ARFGEF3: variants seen among roughly 807,000 people sequenced by gnomAD.
The protein encoded by ARFGEF3 is ARFGEF family member 3, also known as brefeldin A-inhibited guanine nucleotide-exchange protein 3.
ARFGEF3 carries 96 observed loss-of-function variants against 221.7 expected under a neutral mutation model. That is an observed-to-expected ratio of 0.43 (90% CI 0.37 to 0.51). The LOEUF (loss-of-function observed/expected upper bound fraction) is 0.51, where lower values mean the gene tolerates loss of function less well. Ranked by LOEUF, ARFGEF3 falls within the 20% of genes least tolerant of loss-of-function variation. The probability of loss-of-function intolerance (pLI) is 0.00; values close to 1 mark genes in which losing one functional copy is unlikely to be tolerated. For synonymous variants in ARFGEF3, 1,145 were observed against 1,126.8 expected (o/e 1.02, Z -0.32); for missense variants, 2,410 against 2,789.9 (o/e 0.86, Z 3.07).
At chr6:138,191,517 T>G (rs1777304575) in intron 2 of ARFGEF3, among the ~76,000 whole-genome samples, 4 of 152,150 alleles carry the variant, frequency 2.6e-5, no homozygotes, top group South Asian at 4.1e-4. Context: ...ACTCGCTGGC[T>G]GTGGGGGTTT....
chr6:138,227,033 G>A (rs890660006), intron 4 of ARFGEF3, among the ~76,000 whole-genome samples: 15 of 151,020 alleles, frequency 9.9e-5, no homozygotes, highest in Non-Finnish European at 2.1e-4. Context: ...CTGTTTTCAG[G>A]GTTGATTTTG....
At chr6:138,197,463 C>A (rs1379050443) in intron 2 of ARFGEF3, among the ~76,000 whole-genome samples, 1 of 152,100 alleles carries the variant, frequency 6.6e-6, no homozygotes, top group Non-Finnish European at 1.5e-5. Context: ...TTATTATTAT[C>A]AAATGTGATG....
chr6:138,270,616 TTATC>T (rs1778987657), intron 12 of ARFGEF3, among the ~76,000 whole-genome samples: 1 of 152,222 alleles, frequency 6.6e-6, no homozygotes, highest in African/African-American at 2.4e-5. Flanking sequence ...AGTACTTACT[TTATC>T]TATTCTGCAG....
At chr6:138,207,723 A>G (rs1777649829) in intron 3 of ARFGEF3, among the ~76,000 whole-genome samples, 1 of 152,236 alleles carries the variant, frequency 6.6e-6, no homozygotes, top group African/African-American at 2.4e-5. Context: ...AAATATACAT[A>G]CTTTTTAAAG....
At chr6:138,330,468 C>G (rs113906146) in intron 32 of ARFGEF3, among the ~76,000 whole-genome samples, 1 of 112,472 alleles carries the variant, frequency 8.9e-6, no homozygotes, top group Non-Finnish European at 1.7e-5. Flanking sequence ...GCAGCCCAAA[C>G]AAAGATAATT....
At chr6:138,303,523 G>A (rs577152192) in intron 22 of ARFGEF3, among the ~76,000 whole-genome samples, 83 of 152,138 alleles carry the variant, frequency 5.5e-4, no homozygotes, top group Non-Finnish European at 8.4e-4. Flanking sequence ...AGATAATAGC[G>A]GCCAGGCACA....
chr6:138,286,612 T>C, intron 15 of ARFGEF3, 89 bp from the exon 16 acceptor site: 1 of 1,001,078 alleles, frequency 1.0e-6, no homozygotes. Context: ...AACTGAGTAC[T>C]GCTCATTTGA....
intron 20 of ARFGEF3, among the ~76,000 whole-genome samples, chr6:138,295,785 A>G (rs4895518): frequency 0.091 from 13,792 of 152,296 alleles, 1,035 homozygotes; most frequent in South Asian, 0.25. Context: ...AAACTTTTTA[A>G]GCACTGGCAT....
At chr6:138,303,246 A>G (rs1304604925) in intron 22 of ARFGEF3, among the ~76,000 whole-genome samples, 1 of 152,196 alleles carries the variant, frequency 6.6e-6, no homozygotes, top group Non-Finnish European at 1.5e-5. Context: ...ACACAAAAAG[A>G]TTAAAAAATA....
intron 2 of ARFGEF3, among the ~76,000 whole-genome samples, chr6:138,200,673 C>G (rs973235135): frequency 2.0e-5 from 3 of 152,142 alleles, no homozygotes; most frequent in Admixed American, 6.5e-5. Context: ...CAAAAATCAA[C>G]TCAAGATAGA....
chr6:138,294,939 A>AT (rs1318175026), intron 20 of ARFGEF3, among the ~76,000 whole-genome samples: 1 of 151,996 alleles, frequency 6.6e-6, no homozygotes, highest in Non-Finnish European at 1.5e-5. Context: ...AGTATATTTG[A>AT]TTTTTTCACC....
At chr6:138,279,028 T>G (rs9494994) in intron 13 of ARFGEF3, among the ~76,000 whole-genome samples, 12,692 of 152,114 alleles carry the variant, frequency 0.083, 1,718 homozygotes, top group African/African-American at 0.29. Context: ...TTCTTTTTTT[T>G]GAGACAGAGC....
intron 3 of ARFGEF3, among the ~76,000 whole-genome samples, chr6:138,209,105 T>G (rs1055487124): frequency 3.9e-5 from 6 of 152,070 alleles, no homozygotes; most frequent in Non-Finnish European, 8.8e-5. Context: ...GTTGAGGTTT[T>G]GGGGGGGATG....
chr6:138,169,284 A>C (rs1236270006), intron 1 of ARFGEF3, among the ~76,000 whole-genome samples: 1 of 152,046 alleles, frequency 6.6e-6, no homozygotes, highest in African/African-American at 2.4e-5. Context: ...TGACCTTTGG[A>C]TGCTCTTCGC....
At chr6:138,241,269 G>T (rs183093066) in intron 6 of ARFGEF3, among the ~76,000 whole-genome samples, 13 of 152,200 alleles carry the variant, frequency 8.5e-5, no homozygotes, top group Admixed American at 7.8e-4. Flanking sequence ...CATCTTCCCA[G>T]GTGCAGAATA....
At chr6:138,177,274 G>T (rs1776972823) in intron 2 of ARFGEF3, among the ~76,000 whole-genome samples, 1 of 151,350 alleles carries the variant, frequency 6.6e-6, no homozygotes, top group African/African-American at 2.4e-5. Flanking sequence ...TTTTTTGTTT[G>T]TTTGTTTGTT....
chr6:138,189,962 T>C (rs1318339949), intron 2 of ARFGEF3, among the ~76,000 whole-genome samples: 5 of 151,922 alleles, frequency 3.3e-5, no homozygotes, highest in Non-Finnish European at 7.4e-5. Flanking sequence ...CACATCCCTG[T>C]AGTCTCAGGT....
intron 22 of ARFGEF3, among the ~76,000 whole-genome samples, chr6:138,305,807 C>G (rs1779713144): frequency 6.6e-6 from 1 of 152,076 alleles, no homozygotes; most frequent in African/African-American, 2.4e-5. Flanking sequence ...AAATTCATCA[C>G]CCATTTTTGA....
chr6:138,194,961 G>C lies in ARFGEF3; in HGVS notation c.138-12081G>C, dbSNP rs927000147. Among the ~76,000 whole-genome samples the C allele has an allele frequency of 2.4e-4, 36 of 148,352 alleles. 1 individual carries two copies. Among genetic ancestry groups the C allele is most frequent in the Non-Finnish European group, 4.2e-4 (28 of 67,364 alleles). On this transcript the variant is annotated intron_variant, in intron 2 of 33. Transcript: ENST00000251691. ...GGTAGAGCATGTGCATGTACTTGTAGGCTCAAACTAACTTCACCTTTTCCC... is the reference window on the plus strand; with the variant it reads ...GGTAGAGCATGTGCATGTACTTGTACGCTCAAACTAACTTCACCTTTTCCC...
Sources: gnomAD v4.1 joint callset for allele counts (sites outside exome capture counted in the v4.1 genomes callset) on GRCh38, gnomAD v4.1.1 for gene constraint, MANE v1.5 for transcripts, NCBI Gene and HGNC (gene_info 2026-07-23, HGNC 2026-07-21) for gene names.